Variants in CBL observed in about 807,000 individuals in gnomAD.
CBL encodes E3 ubiquitin-protein ligase CBL.
Under a neutral mutation model 96.9 loss-of-function variants are expected in CBL, and 45 were observed. The ratio of observed to expected loss-of-function variants is 0.46; its 90% confidence interval spans 0.37 to 0.60. The LOEUF (loss-of-function observed/expected upper bound fraction) is 0.60. Among genes scored for constraint, CBL ranks in the 20% least tolerant of loss-of-function variants. The probability of loss-of-function intolerance (pLI) is 0.00; values close to 1 mark genes in which losing one functional copy is unlikely to be tolerated. For missense variants in CBL, 1,024 were observed against 1,143.5 expected, an observed-to-expected ratio of 0.90 and a Z score of 1.51; for synonymous variants, 420 against 426.8, an observed-to-expected ratio of 0.98 and a Z score of 0.20.
chr11:119,233,156 A>G (rs1949517234), intron 2 of CBL, among the ~76,000 whole-genome samples: 1 of 152,246 alleles, frequency 6.6e-6, no homozygotes, highest in Non-Finnish European at 1.5e-5. Context: ...CATTTTCTTT[A>G]TAGGTAAAAG....
intron 2 of CBL, among the ~76,000 whole-genome samples, chr11:119,245,260 T>C (rs995236100): frequency 2.0e-5 from 3 of 151,964 alleles, no homozygotes; most frequent in Non-Finnish European, 4.4e-5. Context: ...CCTTTTGGTT[T>C]GAGGACCCCT....
At position 119,292,158 on chromosome 11, in the gene CBL, T is replaced by G. The variant is rs144888232; in HGVS notation, c.2036+4212T>G. Among the ~76,000 whole-genome samples, 82 of 152,290 alleles carry G rather than the reference T, an allele frequency of 5.4e-4. 1 individual carries two copies. In the East Asian group the frequency reaches 0.014, roughly 27 times the overall value. On this transcript the variant is annotated intron_variant, in intron 12 of 15. Coordinates refer to ENST00000264033, the MANE Select transcript of CBL (RefSeq NM_005188.4). ...ATGAGCCACTGCACCCTGGCCTCCT[T>G]TTCTTTTTCAGACACTAACTAGAAC...
At chr11:119,244,580 A>ACTTTTTTTTTTTTTTTTT (rs1949610774) in intron 2 of CBL, among the ~76,000 whole-genome samples, 2 of 87,204 alleles carry the variant, frequency 2.3e-5, no homozygotes, top group Non-Finnish European at 4.4e-5. Flanking sequence ...ATGCCCGGCT[A>ACTTTTTTTTTTTTTTTTT]ATTTTTTTTT....
chr11:119,218,932 A>G (rs1275209588), intron 1 of CBL, among the ~76,000 whole-genome samples: 1 of 152,198 alleles, frequency 6.6e-6, no homozygotes, highest in East Asian at 1.9e-4. Context: ...AATTCTGAAG[A>G]AAGGTCTGGG....
At position 119,277,835 on chromosome 11, in the gene CBL, AGTGACCCAG is replaced by A; in HGVS notation, c.1091_1095+4del. ...AACCAACTCCCCAAGACCATATCAA[AGTGACCCAG>A]GTGAGTTTTGTTTCACATGATAACC... On this transcript the variant is annotated inframe_deletion and splice_region_variant, in exon 7 of 16. Transcript: ENST00000264033. The A allele has an allele frequency of 6.2e-7, 1 of 1,611,574 alleles. No homozygotes were observed. The highest frequency in any genetic ancestry group is 8.5e-7 in the Non-Finnish European group (1 of 1,177,636).
chr11:119,284,852 C>A, intron 9 of CBL, 117 bp from the exon 10 acceptor site: 1 of 1,260,166 alleles, frequency 7.9e-7, no homozygotes, highest in Non-Finnish European at 1.2e-6. Context: ...AAACCTAGGT[C>A]TGGCCCATTT....
chr11:119,279,964 A>G (rs1280088642), intron 9 of CBL, among the ~76,000 whole-genome samples: 2 of 152,252 alleles, frequency 1.3e-5, no homozygotes, highest in Non-Finnish European at 2.9e-5. Flanking sequence ...AAACACTTCA[A>G]CACAAGGCAG....
intron 2 of CBL, among the ~76,000 whole-genome samples, chr11:119,264,392 T>C (rs1236363694): frequency 1.8e-5 from 1 of 55,362 alleles, no homozygotes; most frequent in Non-Finnish European, 3.8e-5. Flanking sequence ...TTTTCTTTTC[T>C]CTTCTCTTCT....
At chr11:119,253,212 G>A (rs1371530209) in intron 2 of CBL, among the ~76,000 whole-genome samples, 2 of 151,966 alleles carry the variant, frequency 1.3e-5, no homozygotes, top group Admixed American at 1.3e-4. Context: ...CATGAATATA[G>A]ACAATTATTT....
At chr11:119,222,711 C>G (rs1235507361) in intron 1 of CBL, among the ~76,000 whole-genome samples, 1 of 150,838 alleles carries the variant, frequency 6.6e-6, no homozygotes, top group African/African-American at 2.5e-5. Context: ...TTAACTATGA[C>G]TGCCAGTTTA....
chr11:119,221,636 C>T (rs1415043762), intron 1 of CBL, among the ~76,000 whole-genome samples: 6 of 151,788 alleles, frequency 4.0e-5, no homozygotes, highest in Admixed American at 1.3e-4. Context: ...GGCGTGGTGG[C>T]GCATGCCTGT....
intron 4 of CBL, among the ~76,000 whole-genome samples, chr11:119,274,505 T>C (rs545256852): frequency 1.2e-4 from 19 of 152,356 alleles, no homozygotes; most frequent in African/African-American, 3.8e-4. Context: ...ACACATTTAT[T>C]TGGAACTTAT....
chr11:119,221,766 CAA>C (rs199581991), intron 1 of CBL, among the ~76,000 whole-genome samples: 35 of 61,936 alleles, frequency 5.7e-4, no homozygotes, highest in Non-Finnish European at 5.4e-4. Flanking sequence ...GACTCCGTCT[CAA>C]AAAAAAAAAA....
At chr11:119,215,429 A>ATT (rs34686872) in intron 1 of CBL, among the ~76,000 whole-genome samples, 3,329 of 144,316 alleles carry the variant, frequency 0.023, 106 homozygotes, top group African/African-American at 0.073. Flanking sequence ...AACAGCCTAA[A>ATT]TTTTTTTTTT....
intron 2 of CBL, among the ~76,000 whole-genome samples, chr11:119,243,193 G>A (rs35760686): frequency 0.075 from 11,430 of 152,134 alleles, 555 homozygotes; most frequent in Non-Finnish European, 0.11. Flanking sequence ...CAGCAGAATC[G>A]CTAGAATCCA....
intron 9 of CBL, 80 bp downstream of exon 9, chr11:119,278,793 A>G: frequency 9.8e-7 from 1 of 1,018,914 alleles, no homozygotes; most frequent in South Asian, 1.3e-5. Context: ...CGATATCCAA[A>G]CTACAATGAT....
intron 5 of CBL, 46 bp downstream of exon 5, chr11:119,274,999 T>C: frequency 6.4e-7 from 1 of 1,572,126 alleles, no homozygotes; most frequent in Non-Finnish European, 8.7e-7. Context: ...AATTTCGTTA[T>C]CTTGAGACTT....
intron 2 of CBL, among the ~76,000 whole-genome samples, chr11:119,271,333 T>G (rs1844752817): frequency 6.6e-6 from 1 of 152,220 alleles, no homozygotes; most frequent in East Asian, 1.9e-4. Context: ...GCTTTATTAA[T>G]TCAAGATTAA....
intron 1 of CBL, among the ~76,000 whole-genome samples, chr11:119,210,725 A>T (rs1469622444): frequency 6.7e-6 from 1 of 149,564 alleles, no homozygotes; most frequent in Non-Finnish European, 1.5e-5. Context: ...CTGAGGTGGG[A>T]TAACAGGCAT....
Sources: allele counts gnomAD v4.1 joint callset (sites outside exome capture counted in the v4.1 genomes callset), GRCh38; gene constraint gnomAD v4.1.1; transcripts MANE v1.5; gene names NCBI Gene and HGNC (gene_info 2026-07-23, HGNC 2026-07-21).